The following BBX variants were observed in gnomAD, a reference collection of about 807,000 sequenced individuals.
BBX encodes HMG box transcription factor BBX.
In BBX, 30 loss-of-function variants were observed where a neutral mutation model predicts 100.2. The ratio of observed to expected loss-of-function variants is 0.30; its 90% confidence interval spans 0.22 to 0.41. The LOEUF (loss-of-function observed/expected upper bound fraction) is 0.41, where lower values mean the gene tolerates loss of function less well. Ranked by LOEUF, BBX falls within the 10% of genes least tolerant of loss-of-function variation. The pLI is 1.00. For synonymous variants in BBX, 376 were observed against 388.1 expected, an observed-to-expected ratio of 0.97 and a Z score of 0.37; for missense variants, 1,023 against 1,129.8, an observed-to-expected ratio of 0.91 and a Z score of 1.35.
At chr3:107,600,488 T>C (rs2053985244) in intron 2 of BBX, among the ~76,000 whole-genome samples, 1 of 152,228 alleles carries the variant, frequency 6.6e-6, no homozygotes, top group Admixed American at 6.5e-5. Flanking sequence ...ATGTTTTAAA[T>C]TTATTTTACA....
At chr3:107,663,403 C>G (rs1329212580) in intron 3 of BBX, among the ~76,000 whole-genome samples, 1 of 152,038 alleles carries the variant, frequency 6.6e-6, no homozygotes. Context: ...AACATTAACA[C>G]GAATAACTGA....
intron 2 of BBX, among the ~76,000 whole-genome samples, chr3:107,573,971 C>T (rs1438247961): frequency 5.3e-5 from 8 of 152,170 alleles, no homozygotes; most frequent in African/African-American, 1.4e-4. Context: ...GTGATCCACC[C>T]GCCTCAGCCT....
chr3:107,763,018 A>G (rs990332760), intron 10 of BBX, among the ~76,000 whole-genome samples: 1 of 152,286 alleles, frequency 6.6e-6, no homozygotes, highest in South Asian at 2.1e-4. Context: ...CCTTCAGACT[A>G]TTTATATACA....
intron 13 of BBX, among the ~76,000 whole-genome samples, chr3:107,788,453 T>C (rs2068659555): frequency 6.6e-6 from 1 of 152,016 alleles, no homozygotes; most frequent in African/African-American, 2.4e-5. Flanking sequence ...CAGTTTTCCA[T>C]GAGTGGCAGG....
Position 107,772,999 on chromosome 3 carries a change from G to C in BBX, c.1278G>C (p.Lys426Asn). 1.2e-6 allele frequency: 2 copies of C among 1,613,966 alleles called. No individual in the cohort carries two copies. Among genetic ancestry groups the C allele is most frequent in the Non-Finnish European group, 1.7e-6 (2 of 1,179,988 alleles). The change falls in exon 11 of 18, where the codon AAG becomes AAC. Residue 426 changes from lysine to asparagine, a missense_variant. This residue lies in a region of BBX where 348 missense variants were observed against 353.2 expected (regional missense o/e 0.99). Transcript: ENST00000325805. ...KIIISDVPSR[K>N]DHMCHPHGIM... ...TAATTAGTGATGTTCCCAGTAGAAA[G>C]GATCATATGTGCCATCCTCATGGAA...
At chr3:107,670,560 AAAAAT>A (rs1349964775) in intron 3 of BBX, among the ~76,000 whole-genome samples, 4 of 152,124 alleles carry the variant, frequency 2.6e-5, no homozygotes, top group African/African-American at 7.2e-5. Flanking sequence ...ATGTCAATTA[AAAAAT>A]AAAATAAAAA....
At chr3:107,598,890 C>CA (rs1174499090) in intron 2 of BBX, among the ~76,000 whole-genome samples, 1 of 152,078 alleles carries the variant, frequency 6.6e-6, no homozygotes, top group Non-Finnish European at 1.5e-5. Flanking sequence ...TTTCTCAAAA[C>CA]AAAAATGCTT....
chr3:107,650,068 T>C (rs1288924754), intron 3 of BBX, among the ~76,000 whole-genome samples: 3 of 152,204 alleles, frequency 2.0e-5, no homozygotes, highest in African/African-American at 7.2e-5. Context: ...TCAGAAGAAA[T>C]AGACATTTCT....
intron 2 of BBX, among the ~76,000 whole-genome samples, chr3:107,572,886 G>A (rs147644605): frequency 3.9e-5 from 6 of 152,084 alleles, no homozygotes; most frequent in African/African-American, 4.8e-5. Context: ...ATTTGCTACC[G>A]GTGTACCCAA....
chr3:107,743,108 TTC>T (rs1430314733), intron 7 of BBX, among the ~76,000 whole-genome samples: 1 of 152,198 alleles, frequency 6.6e-6, no homozygotes, highest in Non-Finnish European at 1.5e-5. Context: ...TTTTATAGAT[TTC>T]TGTCTTATGC....
intron 3 of BBX, chr3:107,659,885 T>G (rs1010357689): frequency 8.1e-6 from 4 of 496,214 alleles, no homozygotes; most frequent in Non-Finnish European, 1.3e-5. Context: ...AAGAGGGACG[T>G]ATAATATGAC....
rs576410119 is a variant in BBX at position 107,805,388 on chromosome 3, G to T, written c.2757G>T (p.Pro919=). ...ENVHRGQRST[P]LTHDGQPKEM... ...TTTACAGAGGTCAGAGGTCAACTCCGCTCACCCATGATGGACAGCCAAAAG... is the reference window on the plus strand; with the variant it reads ...TTTACAGAGGTCAGAGGTCAACTCCTCTCACCCATGATGGACAGCCAAAAG... The change falls in exon 18 of 18, where the codon CCG becomes CCT. Residue 919 remains proline, a synonymous_variant. Coordinates refer to ENST00000325805, the MANE Select transcript of BBX (RefSeq NM_001142568.3). 6.2e-7 allele frequency: 1 copy of T among 1,613,738 alleles called. No individual in the cohort carries two copies. The highest frequency in any genetic ancestry group is 8.5e-7 in the Non-Finnish European group (1 of 1,179,810).
intron 2 of BBX, among the ~76,000 whole-genome samples, chr3:107,609,846 A>G (rs2054712331): frequency 6.6e-6 from 1 of 151,326 alleles, no homozygotes; most frequent in Non-Finnish European, 1.5e-5. Context: ...GATATTTTGT[A>G]TTGTTTTCTT....
intron 7 of BBX, among the ~76,000 whole-genome samples, chr3:107,734,812 C>G (rs2063537334): frequency 6.6e-6 from 1 of 152,086 alleles, no homozygotes; most frequent in South Asian, 2.1e-4. Flanking sequence ...AGAAGTTCTC[C>G]TACTCCTTCT....
chr3:107,595,968 C>A (rs948285727), intron 2 of BBX, among the ~76,000 whole-genome samples: 2 of 152,158 alleles, frequency 1.3e-5, no homozygotes, highest in African/African-American at 4.8e-5. Flanking sequence ...GCACTCATGA[C>A]ATACCTAATT....
At chr3:107,605,728 T>G (rs898360084) in intron 2 of BBX, among the ~76,000 whole-genome samples, 1 of 152,178 alleles carries the variant, frequency 6.6e-6, no homozygotes, top group Non-Finnish European at 1.5e-5. Context: ...ATCTCCTCAT[T>G]TTGCAGATGA....
At chr3:107,662,147 TTG>T (rs1324476112) in intron 3 of BBX, among the ~76,000 whole-genome samples, 8 of 152,086 alleles carry the variant, frequency 5.3e-5, no homozygotes, top group African/African-American at 1.7e-4. Flanking sequence ...TATAAACGAA[TTG>T]TGTTTTATGT....
intron 17 of BBX, among the ~76,000 whole-genome samples, chr3:107,802,961 G>C (rs2070683546): frequency 1.3e-5 from 2 of 152,276 alleles, no homozygotes; most frequent in East Asian, 1.9e-4. Flanking sequence ...TGCATGCTAT[G>C]CTCACACCTC....
chr3:107,774,648 T>A (rs1360254438), intron 11 of BBX, 71 bp from the exon 12 acceptor site: 1 of 1,510,660 alleles, frequency 6.6e-7, no homozygotes, highest in African/African-American at 1.4e-5. Context: ...AGGTTGCTCG[T>A]GAAGCAACTA....
Sources: allele counts gnomAD v4.1 joint callset (sites outside exome capture counted in the v4.1 genomes callset), GRCh38; gene constraint gnomAD v4.1.1; regional missense constraint gnomAD v4.1.1; transcripts MANE v1.5; gene names NCBI Gene and HGNC (gene_info 2026-07-23, HGNC 2026-07-21).